The following TNIP3 variants were observed in gnomAD, a reference collection of about 807,000 sequenced individuals.
TNIP3 encodes the protein TNFAIP3 interacting protein 3.
In TNIP3, 34 loss-of-function variants were observed where a neutral mutation model predicts 54.1. The observed-to-expected ratio is 0.63, with a 90% confidence interval of 0.48 to 0.84. TNIP3 has a LOEUF of 0.84. Among genes scored for constraint, TNIP3 ranks in the 40% least tolerant of loss-of-function variants. The pLI is 0.00. For missense variants in TNIP3, 366 were observed against 387.6 expected, an observed-to-expected ratio of 0.94 and a Z score of 0.47; for synonymous variants, 134 against 136.8, an observed-to-expected ratio of 0.98 and a Z score of 0.14.
intron 3 of TNIP3, among the ~76,000 whole-genome samples, chr4:121,181,143 T>C (rs138861896): frequency 6.6e-6 from 1 of 152,106 alleles, no homozygotes; most frequent in Non-Finnish European, 1.5e-5. Context: ...GTTTTTACCA[T>C]GTAAAGGAGG....
intron 10 of TNIP3, among the ~76,000 whole-genome samples, chr4:121,133,901 G>C (rs1728625426): frequency 6.6e-6 from 1 of 152,000 alleles, no homozygotes; most frequent in Non-Finnish European, 1.5e-5. Context: ...GGAGCTACTA[G>C]ATGCTGAAAG....
At position 121,189,163 on chromosome 4, in the gene TNIP3, A is replaced by G. The variant is rs557555570; in HGVS notation, c.69-6367T>C. Among the ~76,000 whole-genome samples, 7 of 152,334 alleles carry G rather than the reference A, an allele frequency of 4.6e-5. No individual in the cohort carries two copies. In the East Asian group the frequency reaches 1.2e-3, roughly 25 times the overall value. On this transcript the variant is annotated intron_variant, in intron 2 of 12. Transcript: ENST00000507879. The stretch of plus-strand genomic sequence containing the variant: ...GCTCAGTGGGGCTAAGTGATAGCAA[A>G]GCCAAAATAAGAATTTAGGATGTTA...
At chr4:121,141,438 T>C (rs1729112044) in intron 9 of TNIP3, among the ~76,000 whole-genome samples, 1 of 152,254 alleles carries the variant, frequency 6.6e-6, no homozygotes, top group Admixed American at 6.5e-5. Flanking sequence ...TAGTTCAATA[T>C]AAATTTACAA....
intron 3 of TNIP3, among the ~76,000 whole-genome samples, chr4:121,158,394 G>A (rs1016445866): frequency 1.9e-4 from 29 of 152,198 alleles, no homozygotes; most frequent in African/African-American, 5.8e-4. Context: ...AGTGACAAAG[G>A]TAAGGCTGGG....
chr4:121,195,685 T>G (rs1725537583), intron 2 of TNIP3, among the ~76,000 whole-genome samples: 2 of 152,232 alleles, frequency 1.3e-5, no homozygotes, highest in South Asian at 4.1e-4. Flanking sequence ...TAAAAGCAAA[T>G]CTAGTATTTG....
chr4:121,194,106 G>A (rs568538320), intron 2 of TNIP3, among the ~76,000 whole-genome samples: 24 of 152,230 alleles, frequency 1.6e-4, no homozygotes, highest in Middle Eastern at 3.4e-3. Flanking sequence ...AGATGTAGTA[G>A]TGTATCGATG....
chr4:121,142,633 AC>A, intron 8 of TNIP3, 92 bp downstream of exon 8: 1 of 1,151,824 alleles, frequency 8.7e-7, no homozygotes, highest in South Asian at 1.4e-5. Context: ...GTTGTAGGTC[AC>A]CTGTAGCAGA....
At chr4:121,171,866 G>T (rs1723979785) in intron 3 of TNIP3, among the ~76,000 whole-genome samples, 1 of 152,166 alleles carries the variant, frequency 6.6e-6, no homozygotes, top group Non-Finnish European at 1.5e-5. Flanking sequence ...AAGTAGTTGG[G>T]ACTACAGGCA....
intron 2 of TNIP3, among the ~76,000 whole-genome samples, chr4:121,187,748 C>T (rs530621115): frequency 4.6e-5 from 7 of 152,176 alleles, no homozygotes; most frequent in Non-Finnish European, 8.8e-5. Flanking sequence ...GACCAAAGTC[C>T]ATGGATGGGA....
In TNIP3 at chr4:121,147,074, G is replaced by C. The variant is rs1368598546; in HGVS notation, c.710C>G (p.Ser237Cys). The C allele has an allele frequency of 6.2e-7, 1 of 1,612,978 alleles. No individual in the cohort carries two copies. The change falls in exon 7 of 11, where the codon TCC becomes TGC. Residue 237 changes from serine to cysteine, a missense_variant. Coordinates refer to ENST00000057513, the MANE Select transcript of TNIP3 (RefSeq NM_024873.6). ...CTGGGAATTCAGCCTGTTCAACTGG[G>C]ATTGGGAAGTTTCATTAATTTGCTG... The part of the protein sequence containing the change: ...ELQQINETSQ[S>C]QLNRLNSQIK...
At chr4:121,153,373 TTAAC>T (rs1195274051) in intron 5 of TNIP3, among the ~76,000 whole-genome samples, 1 of 152,064 alleles carries the variant, frequency 6.6e-6, no homozygotes, top group Non-Finnish European at 1.5e-5. Flanking sequence ...TTTAGGGAAA[TTAAC>T]TAGACAATGT....
At chr4:121,166,271 A>C (rs1176460257), upstream of TNIP3, among the ~76,000 whole-genome samples, 1 of 152,212 alleles carries the variant, frequency 6.6e-6, no homozygotes, top group East Asian at 1.9e-4. Flanking sequence ...AGCTCAAGAG[A>C]GCCATATGGT....
At chr4:121,144,450 G>C (rs1371730844) in intron 7 of TNIP3, among the ~76,000 whole-genome samples, 4 of 152,104 alleles carry the variant, frequency 2.6e-5, no homozygotes, top group African/African-American at 9.7e-5. Flanking sequence ...TGCCCAGACT[G>C]GAATGCAGTG....
chr4:121,179,008 G>A (rs13129293), intron 3 of TNIP3, among the ~76,000 whole-genome samples: 36,184 of 152,138 alleles, frequency 0.24, 4,521 homozygotes, highest in African/African-American at 0.29. Flanking sequence ...GCTGAGTAAC[G>A]CCATGTGGGA....
intron 3 of TNIP3, among the ~76,000 whole-genome samples, chr4:121,177,767 G>A (rs1287160335): frequency 6.6e-6 from 1 of 151,866 alleles, no homozygotes; most frequent in African/African-American, 2.4e-5. Flanking sequence ...AAATGTGAAG[G>A]TCTTTGTTTT....
At chr4:121,218,932 G>T (rs1052382037), upstream of TNIP3, among the ~76,000 whole-genome samples, 2 of 152,174 alleles carry the variant, frequency 1.3e-5, no homozygotes, top group African/African-American at 4.8e-5. Context: ...AGCCATGGTG[G>T]CTCACGCCTG....
intron 2 of TNIP3, among the ~76,000 whole-genome samples, chr4:121,202,336 G>T (rs1190693528): frequency 6.6e-6 from 1 of 152,088 alleles, no homozygotes; most frequent in African/African-American, 2.4e-5. Flanking sequence ...TTCAACAAAT[G>T]GTGTTGGAAT....
At chr4:121,179,559 T>A (rs956797226) in intron 3 of TNIP3, among the ~76,000 whole-genome samples, 2 of 152,230 alleles carry the variant, frequency 1.3e-5, no homozygotes, top group African/African-American at 4.8e-5. Flanking sequence ...TTTTAACCAC[T>A]TTTAGGTTTT....
intron 10 of TNIP3, among the ~76,000 whole-genome samples, chr4:121,133,626 C>A (rs1284891281): frequency 6.6e-6 from 1 of 152,060 alleles, no homozygotes; most frequent in Non-Finnish European, 1.5e-5. Flanking sequence ...AGATCAATAG[C>A]CTGATATTTT....
Sources: gnomAD v4.1 joint callset for allele counts (sites outside exome capture counted in the v4.1 genomes callset) on GRCh38, gnomAD v4.1.1 for gene constraint, MANE v1.5 for transcripts, NCBI Gene and HGNC (gene_info 2026-07-23, HGNC 2026-07-21) for gene names.